Variants in PIAS1 observed in about 807,000 individuals in gnomAD.
The protein encoded by PIAS1 is protein inhibitor of activated STAT 1, also known as E3 SUMO-protein ligase PIAS1.
A neutral mutation model predicts 71.3 loss-of-function variants in PIAS1; 6 were observed. That is an observed-to-expected ratio of 0.08 (90% confidence interval 0.05 to 0.17). The LOEUF (loss-of-function observed/expected upper bound fraction) is 0.17. Ranked by LOEUF, PIAS1 falls within the 10% of genes least tolerant of loss-of-function variation. The probability of loss-of-function intolerance (pLI) is 1.00; values close to 1 mark genes in which losing one functional copy is unlikely to be tolerated. For missense variants in PIAS1, 555 were observed against 793.6 expected, an observed-to-expected ratio of 0.70 and a Z score of 3.61; for synonymous variants, 303 against 292.9, an observed-to-expected ratio of 1.03 and a Z score of -0.35.
chr15:68,166,380 A>G (rs1293235676), intron 8 of PIAS1, among the ~76,000 whole-genome samples: 1 of 151,644 alleles, frequency 6.6e-6, no homozygotes, highest in Non-Finnish European at 1.5e-5. Context: ...GCTTAGAAAA[A>G]TGATTCACAG....
chr15:68,069,329 C>A (rs1038473745), intron 1 of PIAS1, among the ~76,000 whole-genome samples: 6 of 152,190 alleles, frequency 3.9e-5, no homozygotes, highest in African/African-American at 1.4e-4. Flanking sequence ...CAAGCATTCT[C>A]CCTTACGCTC....
At chr15:68,137,386 T>C (rs1026438540) in intron 2 of PIAS1, among the ~76,000 whole-genome samples, 53 of 152,306 alleles carry the variant, frequency 3.5e-4, no homozygotes, top group Admixed American at 9.2e-4. Flanking sequence ...AAGGGTAATT[T>C]TTTTAAAGCA....
intron 1 of PIAS1, among the ~76,000 whole-genome samples, chr15:68,067,538 T>C (rs1428519276): frequency 1.3e-5 from 2 of 152,086 alleles, no homozygotes; most frequent in Non-Finnish European, 2.9e-5. Context: ...CATTTGTATA[T>C]GGTGAATTCA....
chr15:68,149,864 C>T (rs1418788552), intron 6 of PIAS1, among the ~76,000 whole-genome samples: 1 of 152,044 alleles, frequency 6.6e-6, no homozygotes, highest in Admixed American at 6.6e-5. Flanking sequence ...TTGTAAACAG[C>T]GTTAAACAAT....
In PIAS1 at chr15:68,193,647, TA is replaced by T. The variant is rs2093130389; in HGVS notation, c.*5814del. On this transcript the variant is annotated 3_prime_UTR_variant, in exon 14 of 14. Coordinates refer to ENST00000249636, the MANE Select transcript of PIAS1 (RefSeq NM_016166.3). ...TCCTTCCTCAACAGGCTCCATGAGG[TA>T]AGAAGTGGGAATCCAGCTTGTGTGG... The T allele has an allele frequency of 4.8e-6, 1 of 207,774 alleles. No individual in the cohort carries two copies. The highest frequency in any genetic ancestry group is 5.3e-5 in the Admixed American group (1 of 18,744). The allele number at this position is 207,774 out of a possible 1,614,324, so 12.9% of individuals were successfully genotyped here. A position where few individuals can be genotyped will look rare whatever the true frequency, so the allele number is the denominator to read the frequency against.
chr15:68,130,958 T>G (rs989011438), intron 2 of PIAS1, among the ~76,000 whole-genome samples: 1 of 152,158 alleles, frequency 6.6e-6, no homozygotes, highest in African/African-American at 2.4e-5. Context: ...ATATTTTTAT[T>G]TAGTTATCAA....
At position 68,063,793 on chromosome 15, in the gene PIAS1, C is replaced by T. The variant is rs545215638; in HGVS notation, c.24+9443C>T. 2.6e-5 allele frequency among the ~76,000 whole-genome samples: 4 copies of T among 152,090 alleles called. No individual in the cohort carries two copies. In the East Asian group the frequency reaches 5.8e-4, roughly 22 times the overall value. ...TTTTCCTAATAATAGGCATTATTTA[C>T]GTGCTGACATTTGCAAAATCAGTGG... On this transcript the variant is annotated intron_variant, in intron 1 of 13. Coordinates refer to ENST00000249636, the MANE Select transcript of PIAS1 (RefSeq NM_016166.3).
At chr15:68,125,346 TACTC>T (rs2092643289) in intron 2 of PIAS1, among the ~76,000 whole-genome samples, 2 of 152,202 alleles carry the variant, frequency 1.3e-5, no homozygotes, top group Non-Finnish European at 1.5e-5. Context: ...AAACACAGGA[TACTC>T]TGTCATCTTG....
rs1323483605 is a variant in PIAS1, at chr15:68,178,181, G to T, written c.1481+1527G>T. Among the ~76,000 whole-genome samples, 1 of 152,112 alleles carries T rather than the reference G, an allele frequency of 6.6e-6. No individual in the cohort carries two copies. Among genetic ancestry groups the T allele is most frequent in the Non-Finnish European group, 1.5e-5 (1 of 68,020 alleles). The stretch of plus-strand genomic sequence containing the variant: ...ACTACTCGGAGGGCTGATGGGGGAG[G>T]ATCACTTGAACCTGGGAGGTGGAGG... On this transcript the variant is annotated intron_variant, in intron 11 of 13. Transcript: ENST00000249636. This position sits in a 1 kb window ranked among gnomAD's most constrained non-coding sequence, Gnocchi z 4.2.
intron 11 of PIAS1, among the ~76,000 whole-genome samples, chr15:68,180,347 T>A (rs558188737): frequency 6.6e-6 from 1 of 152,258 alleles, no homozygotes; most frequent in Admixed American, 6.5e-5. Flanking sequence ...TCCTTCTGCC[T>A]CAGCCTCCCG....
At chr15:68,055,846 A>G (rs975170457) in intron 1 of PIAS1, 1 of 694,292 alleles carries the variant, frequency 1.4e-6, no homozygotes, top group Non-Finnish European at 2.6e-6. Context: ...CCTGTGGAAT[A>G]TCCTCACCGA....
intron 2 of PIAS1, among the ~76,000 whole-genome samples, chr15:68,138,042 G>A (rs552000633): frequency 1.6e-4 from 25 of 152,228 alleles, no homozygotes; most frequent in Non-Finnish European, 3.5e-4. Context: ...GCCAGCTACT[G>A]TAGAGACTGA....
intron 2 of PIAS1, among the ~76,000 whole-genome samples, chr15:68,100,907 T>G (rs1229823847): frequency 2.0e-5 from 3 of 151,792 alleles, no homozygotes; most frequent in Non-Finnish European, 4.4e-5. Context: ...TTTGTTTTTT[T>G]TTTTTTGAGA....
intron 6 of PIAS1, among the ~76,000 whole-genome samples, chr15:68,151,705 C>A (rs1371012943): frequency 1.9e-5 from 2 of 108,052 alleles, no homozygotes; most frequent in African/African-American, 7.2e-5. Context: ...CACACACACA[C>A]ACAAATTAGC....
chr15:68,098,783 C>T (rs1240460320), intron 2 of PIAS1, among the ~76,000 whole-genome samples: 2 of 152,122 alleles, frequency 1.3e-5, no homozygotes, highest in African/African-American at 4.8e-5. Context: ...AAATATTCCC[C>T]TGTTGGTCAA....
rs561418930 is a variant in PIAS1 at position 68,187,944 on chromosome 15, C to T, written c.*109C>T. ...TACTCTGTTTAGAAAAGTATACAAG[C>T]GTGTTTTTTTTCCTTTTTTTAGGGA... On this transcript the variant is annotated 3_prime_UTR_variant, in exon 14 of 14. Transcript: ENST00000249636. This position sits in a 1 kb window ranked among gnomAD's most constrained non-coding sequence, Gnocchi z 5.3. 1.2e-3 allele frequency: 1,237 copies of T among 1,018,968 alleles called. 9 individuals are homozygous for T. In the African/African-American group the frequency reaches 0.017, roughly 14 times the overall value. The allele number at this position is 1,018,968 out of a possible 1,614,324, so 63.1% of individuals were successfully genotyped here.
intron 2 of PIAS1, chr15:68,087,983 T>C: frequency 4.2e-6 from 1 of 238,158 alleles, no homozygotes; most frequent in South Asian, 4.6e-5. Flanking sequence ...AACTGACACA[T>C]GCTCATTGTA....
intron 2 of PIAS1, among the ~76,000 whole-genome samples, chr15:68,100,947 G>A (rs553761172): frequency 7.2e-5 from 11 of 151,742 alleles, no homozygotes; most frequent in African/African-American, 2.7e-4. Context: ...CCAGGGTGGA[G>A]GGCAGTGGCA....
intron 2 of PIAS1, among the ~76,000 whole-genome samples, chr15:68,088,990 C>T (rs973094125): frequency 3.9e-5 from 6 of 152,242 alleles, no homozygotes; most frequent in East Asian, 3.9e-4. Flanking sequence ...AACATAGTTT[C>T]GAACACCAGC....
Sources: gnomAD v4.1 joint callset for allele counts (sites outside exome capture counted in the v4.1 genomes callset) on GRCh38, gnomAD v4.1.1 for gene constraint, Gnocchi (gnomAD v3.1) non-coding constraint, MANE v1.5 for transcripts, NCBI Gene and HGNC (gene_info 2026-07-23, HGNC 2026-07-21) for gene names.